Variants in LPAR6 observed in about 807,000 individuals in gnomAD.
LPAR6 encodes lysophosphatidic acid receptor 6.
Under a neutral mutation model 22.0 loss-of-function variants are expected in LPAR6, and 17 were observed. The observed-to-expected ratio is 0.77, with a 90% CI of 0.53 to 1.16. The LOEUF (loss-of-function observed/expected upper bound fraction) is 1.16. Ranked by LOEUF, LPAR6 falls within the 50% of genes most tolerant of loss-of-function variation. The pLI, the probability that LPAR6 is intolerant of heterozygous loss-of-function variation, is 0.00. For missense variants in LPAR6, 384 were observed against 406.9 expected, an observed-to-expected ratio of 0.94 and a Z score of 0.48; for synonymous variants, 136 against 139.8, an observed-to-expected ratio of 0.97 and a Z score of 0.19.
At chr13:48,442,909 G>A (rs893908610) in intron 1 of LPAR6, among the ~76,000 whole-genome samples, 1 of 151,862 alleles carries the variant, frequency 6.6e-6, no homozygotes, top group Non-Finnish European at 1.5e-5. Flanking sequence ...ACACCACAAA[G>A]TAACTTAGTT....
At chr13:48,428,547 A>G (rs1443867929), upstream of LPAR6, among the ~76,000 whole-genome samples, 1 of 152,280 alleles carries the variant, frequency 6.6e-6, no homozygotes, top group East Asian at 1.9e-4. Flanking sequence ...AACTTGGTCC[A>G]TAGCTTAGGT....
chr13:48,432,742 C>A (rs983173944), intron 1 of LPAR6, among the ~76,000 whole-genome samples: 1 of 151,420 alleles, frequency 6.6e-6, no homozygotes, highest in Non-Finnish European at 1.5e-5. Context: ...CTTGAGTAAG[C>A]GTACAGGAAT....
chr13:48,397,515 G>A (rs1948658025), intron 1 of LPAR6, among the ~76,000 whole-genome samples: 1 of 152,074 alleles, frequency 6.6e-6, no homozygotes, highest in Non-Finnish European at 1.5e-5. Flanking sequence ...CTAAGGGAGG[G>A]ATAGCATTAG....
Position 48,412,249 on chromosome 13 carries a change from A to G in LPAR6, c.175T>C (p.Leu59=). The G allele has an allele frequency of 1.9e-6, 3 of 1,614,136 alleles. No individual in the cohort carries two copies. Among genetic ancestry groups the G allele is most frequent in the Non-Finnish European group, 2.5e-6 (3 of 1,179,978 alleles). ...RNETTTYMIN[L]AMSDLLFVFT... is the part of the protein sequence containing the mutation. ...ACAAAAAGCAAGTCTGACATTGCCA[A>G]GTTAATCATGTAAGTTGTAGTTTCA... The change falls in exon 1 of 1, where the codon TTG becomes CTG. Residue 59 remains leucine, a synonymous_variant. Transcript: ENST00000620633.
intron 1 of LPAR6, among the ~76,000 whole-genome samples, chr13:48,439,336 T>A (rs910286342): frequency 6.6e-5 from 10 of 152,198 alleles, no homozygotes; most frequent in Non-Finnish European, 1.2e-4. Context: ...AGTACTATTA[T>A]TAAATTAAGA....
At chr13:48,420,264 A>T (rs1948985160) in intron 2 of LPAR6, among the ~76,000 whole-genome samples, 1 of 152,232 alleles carries the variant, frequency 6.6e-6, no homozygotes, top group South Asian at 2.1e-4. Flanking sequence ...TCCATCACAT[A>T]AACAGAACCA....
chr13:48,406,894 A>AAAAC (rs145038330), downstream of LPAR6, among the ~76,000 whole-genome samples: 8,559 of 152,100 alleles, frequency 0.056, 778 homozygotes, highest in African/African-American at 0.19. Flanking sequence ...TCTTTCTATT[A>AAAAC]AAACAAACAA....
chr13:48,441,111 T>A (rs1399938032), intron 1 of LPAR6, among the ~76,000 whole-genome samples: 1 of 152,202 alleles, frequency 6.6e-6, no homozygotes, highest in Non-Finnish European at 1.5e-5. Flanking sequence ...AGAAATGTAT[T>A]TCTCACAGTT....
intron 2 of LPAR6, among the ~76,000 whole-genome samples, chr13:48,422,075 T>C (rs2138245955): frequency 6.6e-6 from 1 of 152,292 alleles, no homozygotes; most frequent in Non-Finnish European, 1.5e-5. Flanking sequence ...CACATATGCT[T>C]ATTGCAGCAG....
chr13:48,430,485 A>G (rs913340381), upstream of LPAR6, among the ~76,000 whole-genome samples: 6 of 152,192 alleles, frequency 3.9e-5, no homozygotes, highest in African/African-American at 1.4e-4. Context: ...TCATGCCTAT[A>G]ATCCCAGCAC....
intron 1 of LPAR6, among the ~76,000 whole-genome samples, chr13:48,443,380 T>G (rs959955941): frequency 6.6e-6 from 1 of 152,014 alleles, no homozygotes; most frequent in African/African-American, 2.4e-5. Flanking sequence ...TAAAAAGAAG[T>G]TTAAAAGAGT....
upstream of LPAR6, among the ~76,000 whole-genome samples, chr13:48,414,315 C>G (rs541346160): frequency 6.6e-6 from 1 of 151,094 alleles, no homozygotes; most frequent in African/African-American, 2.4e-5. Flanking sequence ...CCACTGCACT[C>G]CAGCCTGGGC....
chr13:48,412,222 A>G lies in LPAR6; in HGVS notation c.202T>C (p.Phe68Leu). 6.8e-6 allele frequency: 11 copies of G among 1,614,068 alleles called. No individual in the cohort carries two copies. Among genetic ancestry groups the G allele is most frequent in the Non-Finnish European group, 9.3e-6 (11 of 1,179,984 alleles). ...NLAMSDLLFV[F>L]TLPFRIFYFT... is the part of the protein sequence containing the mutation. ...TAAAAAATCCTGAAGGGTAAAGTAA[A>G]AACAAAAAGCAAGTCTGACATTGCC... The change falls in exon 1 of 1, where the codon TTT becomes CTT. Residue 68 changes from phenylalanine (F) to leucine (L), a missense_variant. Phe to Leu is a conservative substitution (Grantham distance 22). Transcript: ENST00000620633.
At chr13:48,433,498 A>C (rs1949151140) in intron 1 of LPAR6, among the ~76,000 whole-genome samples, 1 of 152,136 alleles carries the variant, frequency 6.6e-6, no homozygotes, top group Admixed American at 6.6e-5. Context: ...ATGAATCTGT[A>C]AAAAATTTTT....
chr13:48,393,811 T>C (rs545842267), intron 1 of LPAR6, among the ~76,000 whole-genome samples: 1 of 152,370 alleles, frequency 6.6e-6, no homozygotes, highest in East Asian at 1.9e-4. Context: ...TTGAGTCTCC[T>C]TTAAATGTGT....
chr13:48,403,846 C>G (rs1012650433), intron 1 of LPAR6, among the ~76,000 whole-genome samples: 1 of 151,974 alleles, frequency 6.6e-6, no homozygotes, highest in East Asian at 1.9e-4. Context: ...TAAGGCCATG[C>G]CAGCCTATGA....
chr13:48,397,669 A>T (rs909560250), intron 1 of LPAR6, among the ~76,000 whole-genome samples: 1 of 152,028 alleles, frequency 6.6e-6, no homozygotes, highest in East Asian at 1.9e-4. Context: ...TTTAAAATAT[A>T]TCTTTCAAAT....
chr13:48,401,235 A>C (rs567145064), intron 1 of LPAR6: 1 of 152,266 alleles, frequency 6.6e-6, no homozygotes, highest in Admixed American at 6.5e-5. Context: ...GAATTTTATA[A>C]AGAGTCATGA....
At chr13:48,428,696 G>A (rs575720593), upstream of LPAR6, among the ~76,000 whole-genome samples, 38 of 152,182 alleles carry the variant, frequency 2.5e-4, no homozygotes, top group Non-Finnish European at 4.3e-4. Context: ...AAAATCGTAT[G>A]ATGACCATCC....
Sources: gnomAD v4.1 joint callset for allele counts (sites outside exome capture counted in the v4.1 genomes callset) on GRCh38, gnomAD v4.1.1 for gene constraint, MANE v1.5 for transcripts, NCBI Gene and HGNC (gene_info 2026-07-23, HGNC 2026-07-21) for gene names.